The following AUTS2 variants were observed in gnomAD, a reference collection of about 807,000 sequenced individuals.
AUTS2 encodes the protein activator of transcription and developmental regulator AUTS2.
AUTS2 carries 17 observed loss-of-function variants against 112.4 expected under a neutral mutation model. The observed-to-expected ratio is 0.15, with a 90% CI of 0.10 to 0.23. The LOEUF (loss-of-function observed/expected upper bound fraction) is 0.23, where lower values mean the gene tolerates loss of function less well. Among genes scored for constraint, AUTS2 ranks in the 10% least tolerant of loss-of-function variants. AUTS2 has a pLI of 1.00. For synonymous variants in AUTS2, 751 were observed against 702.7 expected (o/e 1.07, Z -1.09); for missense variants, 1,510 against 1,701.6 (o/e 0.89, Z 1.98).
chr7:70,761,946 G>T (rs926428098), intron 6 of AUTS2, among the ~76,000 whole-genome samples: 7 of 152,166 alleles, frequency 4.6e-5, no homozygotes, highest in Admixed American at 4.6e-4. Flanking sequence ...TTCAGTTCCC[G>T]TTTGCACCTT....
intron 5 of AUTS2, among the ~76,000 whole-genome samples, chr7:70,668,106 C>T (rs560729942): frequency 1.3e-5 from 2 of 152,316 alleles, no homozygotes; most frequent in East Asian, 1.9e-4. Flanking sequence ...CAGCCTCCCA[C>T]GTAGGTGGGA....
In AUTS2 at chr7:70,043,486, G is replaced by C. The variant is rs531175974; in HGVS notation, c.523-74646G>C. On this transcript the variant is annotated intron_variant, in intron 2 of 18. Coordinates refer to ENST00000342771, the MANE Select transcript of AUTS2 (RefSeq NM_015570.4). ...TCATTTTCTGAATGCATTGGATTTGGTACTAAATGCTCTCTCCCGTTTGCA... is the reference window on the plus strand; with the variant it reads ...TCATTTTCTGAATGCATTGGATTTGCTACTAAATGCTCTCTCCCGTTTGCA... Among the ~76,000 whole-genome samples the C allele has an allele frequency of 9.2e-5, 14 of 151,448 alleles. No homozygotes were observed. In the South Asian group the frequency reaches 2.7e-3, roughly 29 times the overall value.
rs114722584 is a variant in AUTS2, at chr7:70,673,680, T to G, written c.691-24889T>G. On this transcript the variant is annotated intron_variant, in intron 5 of 18. Coordinates refer to ENST00000342771, the MANE Select transcript of AUTS2 (RefSeq NM_015570.4). ...TGAGAGCCACCATGCCTGGCCGGAT[T>G]GTACTCTTTTGATCCTACCTGTTTC... 4.4e-3 allele frequency among the ~76,000 whole-genome samples: 671 copies of G among 152,244 alleles called. 3 individuals are homozygous for G. The highest frequency in any genetic ancestry group is 0.015 in the African/African-American group (641 of 41,550).
intron 5 of AUTS2, among the ~76,000 whole-genome samples, chr7:70,619,906 G>T (rs958662917): frequency 6.6e-6 from 1 of 152,160 alleles, no homozygotes; most frequent in Non-Finnish European, 1.5e-5. Flanking sequence ...CCCATTCACT[G>T]TTCAGGTACT....
chr7:69,840,527 G>A (rs1791930053), intron 1 of AUTS2, among the ~76,000 whole-genome samples: 1 of 152,158 alleles, frequency 6.6e-6, no homozygotes, highest in Admixed American at 6.5e-5. Flanking sequence ...ATGTGTGGGT[G>A]GGATAAGAAC....
At chr7:70,371,595 AT>A (rs1213589323) in intron 4 of AUTS2, among the ~76,000 whole-genome samples, 14 of 152,006 alleles carry the variant, frequency 9.2e-5, no homozygotes, top group African/African-American at 2.4e-4. Context: ...GAGTTCCTTC[AT>A]TTTTTTCCCA....
rs946048625 is a variant in AUTS2 at position 70,569,841 on chromosome 7, A to G, written c.691-128728A>G. Among the ~76,000 whole-genome samples the G allele has an allele frequency of 3.3e-5, 5 of 152,178 alleles. No homozygotes were observed. The East Asian group carries it at 9.6e-4, about 29-fold the overall frequency. On this transcript the variant is annotated intron_variant, in intron 5 of 18. Transcript: ENST00000342771. ...AGGCAAAAACGTAAACCCCTGCACT[A>G]TTTTTAAACCAGTAGCCATTTGTTA...
At chr7:70,285,086 A>G (rs1279146494) in intron 4 of AUTS2, among the ~76,000 whole-genome samples, 1 of 152,088 alleles carries the variant, frequency 6.6e-6, no homozygotes, top group Admixed American at 6.5e-5. Context: ...GAAACTGCAT[A>G]GTATGAGCCA....
chr7:69,975,097 G>A (rs912068849), intron 2 of AUTS2, among the ~76,000 whole-genome samples: 3 of 151,996 alleles, frequency 2.0e-5, no homozygotes, highest in Admixed American at 6.5e-5. Context: ...ACTGAGGAAT[G>A]TTTGCACTTG....
intron 1 of AUTS2, among the ~76,000 whole-genome samples, chr7:69,734,733 A>G (rs1786953679): frequency 6.6e-6 from 1 of 151,812 alleles, no homozygotes; most frequent in Non-Finnish European, 1.5e-5. Context: ...TCTCCAGAGT[A>G]CTGATGTGTA....
chr7:70,288,106 C>T (rs1340724808), intron 4 of AUTS2, among the ~76,000 whole-genome samples: 1 of 152,118 alleles, frequency 6.6e-6, no homozygotes, highest in Non-Finnish European at 1.5e-5. Context: ...TAATTTTTGT[C>T]ATCTTTATTT....
rs117021362 is a variant in AUTS2, at chr7:70,627,262, A to G, written c.691-71307A>G. On this transcript the variant is annotated intron_variant, in intron 5 of 18. Coordinates refer to ENST00000342771, the MANE Select transcript of AUTS2 (RefSeq NM_015570.4). ...TTTGATTTGAATTTCTCTGTTGACT[A>G]GTGATGTTGAGCATTTTTTCATGTG... 1.5e-3 allele frequency among the ~76,000 whole-genome samples: 232 copies of G among 152,274 alleles called. 1 individual carries two copies. The highest frequency in any genetic ancestry group is 3.0e-3 in the Admixed American group (46 of 15,298).
chr7:70,386,936 T>C (rs1004911051), intron 4 of AUTS2, among the ~76,000 whole-genome samples: 24 of 152,228 alleles, frequency 1.6e-4, no homozygotes, highest in African/African-American at 4.3e-4. Flanking sequence ...TCTTCTTATT[T>C]AAATAACCAA....
chr7:70,163,176 G>A (rs1313676373), intron 4 of AUTS2, among the ~76,000 whole-genome samples: 1 of 151,840 alleles, frequency 6.6e-6, no homozygotes, highest in African/African-American at 2.4e-5. Context: ...GTTAACTGAG[G>A]CTGGAATGGG....
chr7:70,151,423 T>A (rs1442170757), intron 4 of AUTS2, among the ~76,000 whole-genome samples: 1 of 152,160 alleles, frequency 6.6e-6, no homozygotes, highest in Non-Finnish European at 1.5e-5. Flanking sequence ...GTCTCAGTAT[T>A]GAGAAATAAT....
At chr7:69,610,050 G>T (rs1583933183) in intron 1 of AUTS2, among the ~76,000 whole-genome samples, 1 of 152,254 alleles carries the variant, frequency 6.6e-6, no homozygotes, top group South Asian at 2.1e-4. Context: ...GGGTGTGTAT[G>T]TGGTTGCAGA....
In AUTS2 at chr7:70,458,488, C is replaced by A. The variant is rs117410657; in HGVS notation, c.690+22707C>A. Among the ~76,000 whole-genome samples the A allele has an allele frequency of 2.2e-3, 335 of 152,290 alleles. 4 individuals are homozygous for A. The East Asian group carries it at 0.035, about 16-fold the overall frequency. The stretch of plus-strand genomic sequence containing the variant: ...GATGAAATCTTTTCTAAAGCTGACT[C>A]TCTTGTCTATTATGTTTTCAAAATT... On this transcript the variant is annotated intron_variant, in intron 5 of 18. Coordinates refer to ENST00000342771, the MANE Select transcript of AUTS2 (RefSeq NM_015570.4).
At chr7:69,620,718 A>G (rs544243122) in intron 1 of AUTS2, among the ~76,000 whole-genome samples, 2 of 152,334 alleles carry the variant, frequency 1.3e-5, no homozygotes, top group South Asian at 4.1e-4. Flanking sequence ...CCTAAAGTAG[A>G]TTTTGACTTC....
intron 5 of AUTS2, among the ~76,000 whole-genome samples, chr7:70,565,469 A>G (rs1378277234): frequency 6.6e-6 from 1 of 152,192 alleles, no homozygotes; most frequent in Non-Finnish European, 1.5e-5. Context: ...GCTTGAGCCT[A>G]GGAATTCAAG....
Sources: allele counts gnomAD v4.1 joint callset (sites outside exome capture counted in the v4.1 genomes callset), GRCh38; gene constraint gnomAD v4.1.1; transcripts MANE v1.5; gene names NCBI Gene and HGNC (gene_info 2026-07-23, HGNC 2026-07-21).